SYNRG: variants seen among roughly 807,000 people sequenced by gnomAD.
SYNRG encodes the protein synergin gamma, also known as AP1 gamma subunit binding protein 1.
In SYNRG, 37 loss-of-function variants were observed where a neutral mutation model predicts 130.9. The ratio of observed to expected loss-of-function variants is 0.28; its 90% CI spans 0.22 to 0.37. The LOEUF is 0.37. SYNRG is among the 10% of genes least tolerant of loss of function. The pLI, the probability that SYNRG is intolerant of heterozygous loss-of-function variation, is 1.00. For missense variants in SYNRG, 1,338 were observed against 1,588.9 expected (o/e 0.84, Z 2.68); for synonymous variants, 539 against 568.1 (o/e 0.95, Z 0.73).
chr17:37,576,021 T>G (rs1212226534), intron 8 of SYNRG, among the ~76,000 whole-genome samples: 3 of 151,334 alleles, frequency 2.0e-5, no homozygotes, highest in African/African-American at 7.4e-5. Flanking sequence ...AAATTCTTGA[T>G]GTTATTAATT....
chr17:37,567,644 G>A (rs1299620049), intron 11 of SYNRG: 1 of 152,110 alleles, frequency 6.6e-6, no homozygotes, highest in African/African-American at 2.4e-5. Flanking sequence ...TTTAAAATCA[G>A]GAGAATAATC....
At chr17:37,601,686 A>G (rs138649114) in intron 1 of SYNRG, among the ~76,000 whole-genome samples, 1 of 151,756 alleles carries the variant, frequency 6.6e-6, no homozygotes, top group African/African-American at 2.4e-5. Flanking sequence ...TTTTTTTGAG[A>G]CGGAGTTTGC....
Position 37,576,452 on chromosome 17 carries a change from T to C in SYNRG, c.824-34A>G, listed in dbSNP as rs891072160. On this transcript the variant is annotated intron_variant, in intron 7 of 21. Transcript: ENST00000612223. ...TAAGAAACATTAATGTATATAGTGG[T>C]CCATGGAGAAGATGGCGAAATCACA... 1.9e-6 allele frequency: 3 copies of C among 1,580,830 alleles called. No individual in the cohort carries two copies. The African/African-American group carries it at 4.0e-5, about 21-fold the overall frequency.
intron 2 of SYNRG, among the ~76,000 whole-genome samples, chr17:37,598,576 T>C (rs1335625816): frequency 1.3e-5 from 2 of 152,228 alleles, no homozygotes; most frequent in African/African-American, 4.8e-5. Context: ...TCTCTTTCTC[T>C]CCTCTGTCTC....
chr17:37,586,035 C>T (rs994670555), intron 4 of SYNRG, among the ~76,000 whole-genome samples: 3 of 152,116 alleles, frequency 2.0e-5, no homozygotes, highest in East Asian at 1.9e-4. Flanking sequence ...ACTCTGTTAC[C>T]GAAGCTGGAG....
At chr17:37,604,300 G>C (rs1021133654) in intron 1 of SYNRG, among the ~76,000 whole-genome samples, 1 of 151,332 alleles carries the variant, frequency 6.6e-6, no homozygotes, top group Non-Finnish European at 1.5e-5. Flanking sequence ...AATGATCTTA[G>C]CTCTTCTGAA....
rs753051180 is a variant in SYNRG at position 37,535,964 on chromosome 17, G to T, written c.3666+15C>A. The T allele has an allele frequency of 5.0e-6, 8 of 1,613,056 alleles. No individual in the cohort carries two copies. The highest frequency in any genetic ancestry group is 6.8e-6 in the Non-Finnish European group (8 of 1,180,018). On this transcript the variant is annotated intron_variant, in intron 19 of 21. Transcript: ENST00000612223. Reference sequence around the variant, plus strand: ...TGGAAAGGAAAGCAACTGCTGAGTTGTCTCATGGGCTTACTGTGAGTGTGG... The same window carrying T: ...TGGAAAGGAAAGCAACTGCTGAGTTTTCTCATGGGCTTACTGTGAGTGTGG...
intron 1 of SYNRG, chr17:37,600,822 C>A: frequency 4.8e-6 from 1 of 209,932 alleles, no homozygotes; most frequent in African/African-American, 2.4e-5. Flanking sequence ...CTGCTATAAG[C>A]GAGGTCCAAA....
chr17:37,543,015 T>C (rs2057915368), intron 14 of SYNRG, among the ~76,000 whole-genome samples: 1 of 152,226 alleles, frequency 6.6e-6, no homozygotes, highest in Non-Finnish European at 1.5e-5. Context: ...TAATTAAAAG[T>C]TGACAGTTTC....
intron 3 of SYNRG, among the ~76,000 whole-genome samples, chr17:37,589,012 G>T (rs767825584): frequency 6.6e-6 from 1 of 152,114 alleles, no homozygotes; most frequent in Non-Finnish European, 1.5e-5. Flanking sequence ...AAACTAAAAG[G>T]TTAAGAGATA....
intron 6 of SYNRG, among the ~76,000 whole-genome samples, chr17:37,578,524 C>T (rs1441992146): frequency 6.6e-6 from 1 of 152,146 alleles, no homozygotes; most frequent in African/African-American, 2.4e-5. Flanking sequence ...CATAAGATAA[C>T]ACTTCCACTA....
At chr17:37,573,932 T>G (rs1438978099) in intron 8 of SYNRG, among the ~76,000 whole-genome samples, 1 of 152,160 alleles carries the variant, frequency 6.6e-6, no homozygotes, top group Non-Finnish European at 1.5e-5. Flanking sequence ...GGACCCAGAA[T>G]AGCCAAAGCC....
At chr17:37,557,831 G>A (rs940872637) in intron 13 of SYNRG, among the ~76,000 whole-genome samples, 2 of 151,838 alleles carry the variant, frequency 1.3e-5, no homozygotes, top group African/African-American at 4.8e-5. Flanking sequence ...GGATGACAGA[G>A]CAATACACTG....
chr17:37,529,834 C>A (rs1229399654), intron 19 of SYNRG: 1 of 1,551,532 alleles, frequency 6.4e-7, no homozygotes, highest in Admixed American at 2.0e-5. Context: ...TAATCACAGT[C>A]ATCTTTTCCC....
At chr17:37,523,004 C>T (rs1022192677) in intron 19 of SYNRG, among the ~76,000 whole-genome samples, 5 of 152,178 alleles carry the variant, frequency 3.3e-5, no homozygotes, top group African/African-American at 1.2e-4. Context: ...CTGAGGACAT[C>T]CCTCAGTCCT....
At chr17:37,522,191 C>G (rs1257118534) in intron 19 of SYNRG, among the ~76,000 whole-genome samples, 2 of 134,334 alleles carry the variant, frequency 1.5e-5, no homozygotes, top group Non-Finnish European at 3.2e-5. Flanking sequence ...TCTTGGAAAG[C>G]CGTCCAGTCA....
At chr17:37,549,903 T>C (rs959550213) in intron 14 of SYNRG, among the ~76,000 whole-genome samples, 1 of 152,128 alleles carries the variant, frequency 6.6e-6, no homozygotes. Context: ...AGTACCCAAT[T>C]TCAAACTCAA....
In SYNRG at chr17:37,540,489, G is replaced by A; in HGVS notation, c.3257C>T (p.Pro1086Leu). The change falls in exon 16 of 22, where the codon CCT (proline) becomes CTT (leucine). Residue 1086 changes from proline to leucine, a missense_variant. Physicochemically the swap from Pro to Leu is moderately conservative, Grantham distance 98. Transcript: ENST00000612223. ...LGDKEISRSS[P>L]SPALEQPFRD... Reference sequence around the variant, plus strand: ...GAAAGGCTGCTCCAAAGCTGGAGAAGGAGAAGAACGGCTTATTTCTTTATC... The same window carrying A: ...GAAAGGCTGCTCCAAAGCTGGAGAAAGAGAAGAACGGCTTATTTCTTTATC... 6.2e-7 allele frequency: 1 copy of A among 1,614,096 alleles called. No individual in the cohort carries two copies. The highest frequency in any genetic ancestry group is 8.5e-7 in the Non-Finnish European group (1 of 1,180,018).
chr17:37,540,630 CTTTTTTTTTTTTT>C (rs767724523), intron 15 of SYNRG, 87 bp from the exon 16 acceptor site: 19 of 695,996 alleles, frequency 2.7e-5, no homozygotes, highest in South Asian at 2.6e-5. Flanking sequence ...CAACCCTCTT[CTTTTTTTTTTTTT>C]TTTTTTTTTG....
Sources: allele counts gnomAD v4.1 joint callset (sites outside exome capture counted in the v4.1 genomes callset), GRCh38; gene constraint gnomAD v4.1.1; transcripts MANE v1.5; gene names NCBI Gene and HGNC (gene_info 2026-07-23, HGNC 2026-07-21).